The following DSCAM variants were observed in gnomAD, a reference collection of about 807,000 sequenced individuals.
DSCAM encodes cell adhesion molecule DSCAM.
DSCAM carries 47 observed loss-of-function variants against 217.7 expected under a neutral mutation model. The ratio of observed to expected loss-of-function variants is 0.22; its 90% confidence interval spans 0.17 to 0.28. The LOEUF (loss-of-function observed/expected upper bound fraction) is 0.28. DSCAM is among the 10% of genes least tolerant of loss of function. The probability of loss-of-function intolerance (pLI) is 1.00; values close to 1 mark genes in which losing one functional copy is unlikely to be tolerated. For synonymous variants in DSCAM, 1,056 were observed against 1,015.3 expected, an observed-to-expected ratio of 1.04 and a Z score of -0.76; for missense variants, 2,080 against 2,618.3, an observed-to-expected ratio of 0.79 and a Z score of 4.49.
At chr21:40,423,732 C>G (rs964958671) in intron 3 of DSCAM, among the ~76,000 whole-genome samples, 15 of 152,156 alleles carry the variant, frequency 9.9e-5, no homozygotes, top group African/African-American at 3.6e-4. Flanking sequence ...TGCTATAGAG[C>G]CATATGGATT....
chr21:40,236,899 T>C (rs1403514899), intron 11 of DSCAM, among the ~76,000 whole-genome samples: 1 of 152,154 alleles, frequency 6.6e-6, no homozygotes. Flanking sequence ...CGAGAAGCCA[T>C]GGACAGCTTT....
intron 19 of DSCAM, among the ~76,000 whole-genome samples, chr21:40,127,392 A>G (rs1396579191): frequency 6.6e-6 from 1 of 152,198 alleles, no homozygotes; most frequent in Non-Finnish European, 1.5e-5. Flanking sequence ...AAACATTCTT[A>G]GTGACCACAT....
chr21:40,792,137 C>CTTCT (rs1232409757), intron 1 of DSCAM, among the ~76,000 whole-genome samples: 5 of 118,606 alleles, frequency 4.2e-5, no homozygotes, highest in African/African-American at 1.5e-4. Context: ...TCTTCTTCTT[C>CTTCT]TTTTTTTTTT....
intron 3 of DSCAM, among the ~76,000 whole-genome samples, chr21:40,380,474 A>G (rs959016457): frequency 2.6e-5 from 4 of 152,222 alleles, no homozygotes; most frequent in African/African-American, 9.6e-5. Context: ...GAACACAGAC[A>G]AAAAGAGTAC....
intron 1 of DSCAM, among the ~76,000 whole-genome samples, chr21:40,845,760 T>C (rs2092140052): frequency 6.6e-6 from 1 of 152,188 alleles, no homozygotes; most frequent in Non-Finnish European, 1.5e-5. Flanking sequence ...TGTCAAATGA[T>C]GACAATTTCC....
chr21:40,404,009 T>A (rs987860523), intron 3 of DSCAM, among the ~76,000 whole-genome samples: 1 of 152,184 alleles, frequency 6.6e-6, no homozygotes, highest in Non-Finnish European at 1.5e-5. Context: ...GAAACTGACA[T>A]AGATTATCTA....
chr21:40,809,038 T>C lies in DSCAM; in HGVS notation c.43+37581A>G, dbSNP rs35719754. Among the ~76,000 whole-genome samples, 1,051 of 152,246 alleles carry C rather than the reference T, an allele frequency of 6.9e-3. 4 individuals carry two copies. Among genetic ancestry groups the C allele is most frequent in the Middle Eastern group, 0.017 (5 of 294 alleles). On this transcript the variant is annotated intron_variant, in intron 1 of 32. Coordinates refer to ENST00000400454, the MANE Select transcript of DSCAM (RefSeq NM_001389.5). ...CTGATTGTTCTTGAACAATCTTTGA[T>C]GCCCCTCTTCATTGGATTAGACCCT...
chr21:40,736,026 C>T (rs1242256804), intron 1 of DSCAM, among the ~76,000 whole-genome samples: 2 of 152,170 alleles, frequency 1.3e-5, no homozygotes, highest in East Asian at 3.9e-4. Context: ...TCAAGGGGAA[C>T]CTATGAATCT....
intron 1 of DSCAM, among the ~76,000 whole-genome samples, chr21:40,749,137 T>C (rs941359619): frequency 1.3e-5 from 2 of 152,034 alleles, no homozygotes; most frequent in Non-Finnish European, 2.9e-5. Flanking sequence ...GAAGAAAACA[T>C]AGAGGAAATG....
chr21:40,696,301 C>T (rs574946992), intron 2 of DSCAM, among the ~76,000 whole-genome samples: 22 of 152,226 alleles, frequency 1.4e-4, no homozygotes, highest in Non-Finnish European at 2.9e-4. Context: ...TCTCCTTATT[C>T]GACCCCAAAA....
At chr21:40,355,165 A>G (rs570576210) in intron 4 of DSCAM, among the ~76,000 whole-genome samples, 2 of 152,246 alleles carry the variant, frequency 1.3e-5, no homozygotes, top group South Asian at 4.1e-4. Context: ...AAGAAAGAAA[A>G]AGAGGGCATA....
chr21:40,573,193 C>A (rs1040232142), intron 3 of DSCAM, among the ~76,000 whole-genome samples: 8 of 152,026 alleles, frequency 5.3e-5, no homozygotes, highest in Admixed American at 1.3e-4. Context: ...AAAAAATTAG[C>A]CGGGCGCGGT....
chr21:40,718,164 C>T (rs1415104947), intron 1 of DSCAM, among the ~76,000 whole-genome samples: 2 of 152,164 alleles, frequency 1.3e-5, no homozygotes, highest in Non-Finnish European at 2.9e-5. Flanking sequence ...GCCTACAAGA[C>T]AGAGCTGGTT....
chr21:40,183,386 G>A (rs2090859142), intron 14 of DSCAM, among the ~76,000 whole-genome samples: 1 of 152,228 alleles, frequency 6.6e-6, no homozygotes, highest in African/African-American at 2.4e-5. Flanking sequence ...GAAGAAGAAT[G>A]TTCCAGATAA....
intron 3 of DSCAM, among the ~76,000 whole-genome samples, chr21:40,485,404 G>A (rs1024712213): frequency 5.9e-5 from 9 of 151,706 alleles, no homozygotes; most frequent in Non-Finnish European, 1.0e-4. Context: ...CACCGCGCCC[G>A]GCTAATTTTT....
At chr21:40,163,664 A>T (rs764222958) in intron 16 of DSCAM, among the ~76,000 whole-genome samples, 1 of 152,140 alleles carries the variant, frequency 6.6e-6, no homozygotes, top group Non-Finnish European at 1.5e-5. Context: ...TCCATTTCCC[A>T]TGAAACTTAT....
At position 40,733,328 on chromosome 21, in the gene DSCAM, C is replaced by T. The variant is rs146673290; in HGVS notation, c.44-24557G>A. ...TGCAGTTTCTTTTGCGGTTTCAATTCCCTACTCCCAGTCTACTTTTTGGTG... is the reference window on the plus strand; with the variant it reads ...TGCAGTTTCTTTTGCGGTTTCAATTTCCTACTCCCAGTCTACTTTTTGGTG... On this transcript the variant is annotated intron_variant, in intron 1 of 32. Coordinates refer to ENST00000400454, the MANE Select transcript of DSCAM (RefSeq NM_001389.5). 2.2e-4 allele frequency among the ~76,000 whole-genome samples: 34 copies of T among 152,300 alleles called. No homozygotes were observed. In the East Asian group the frequency reaches 6.4e-3, roughly 29 times the overall value.
chr21:40,637,624 C>CTATATATATATAGATATATATCTATAT (rs1265414818), intron 3 of DSCAM, among the ~76,000 whole-genome samples: 1 of 33,292 alleles, frequency 3.0e-5, no homozygotes, highest in African/African-American at 1.1e-4. Context: ...TAAATATATA[C>CTATATATATATAGATATATATCTATAT]ATATATAAAT....
intron 3 of DSCAM, among the ~76,000 whole-genome samples, chr21:40,648,618 T>C (rs2410264): frequency 0.4 from 60,630 of 151,982 alleles, 12,616 homozygotes; most frequent in East Asian, 0.6. Context: ...CATATACCTA[T>C]CCTTTCCTAA....
Sources: gnomAD v4.1 joint callset for allele counts (sites outside exome capture counted in the v4.1 genomes callset) on GRCh38, gnomAD v4.1.1 for gene constraint, MANE v1.5 for transcripts, NCBI Gene and HGNC (gene_info 2026-07-23, HGNC 2026-07-21) for gene names.